The following PNPLA1 variants were observed in gnomAD, a reference collection of about 807,000 sequenced individuals.
The protein encoded by PNPLA1 is omega-hydroxyceramide transacylase.
PNPLA1 carries 36 observed loss-of-function variants against 51.7 expected under a neutral mutation model. The ratio of observed to expected loss-of-function variants is 0.70; its 90% CI spans 0.53 to 0.92. PNPLA1 has a LOEUF of 0.92. Ranked by LOEUF, PNPLA1 falls within the 40% of genes least tolerant of loss-of-function variation. PNPLA1 has a pLI of 0.00. For synonymous variants in PNPLA1, 293 were observed against 280.1 expected (o/e 1.05, Z -0.46); for missense variants, 658 against 682.5 (o/e 0.96, Z 0.40).
chr6:36,306,112 G>A (rs549190138), intron 6 of PNPLA1, among the ~76,000 whole-genome samples, 180 bp from the exon 7 acceptor site: 2 of 152,268 alleles, frequency 1.3e-5, no homozygotes, highest in South Asian at 4.1e-4. Context: ...CACAGATGCC[G>A]CGGGCCTGCG....
Position 36,312,942 on chromosome 6 carries a change from C to T in PNPLA1, c.*1056C>T, listed in dbSNP as rs1005315831. Among the ~76,000 whole-genome samples the T allele has an allele frequency of 1.3e-5, 2 of 152,156 alleles. No individual in the cohort carries two copies. The highest frequency in any genetic ancestry group is 1.5e-5 in the Non-Finnish European group (1 of 68,014). ...TCTTGGGGGCCCAGCAGGACTGAGC[C>T]AACGACACGCTTCCTCTTTCTTGTG... On this transcript the variant is annotated 3_prime_UTR_variant, in exon 9 of 9. Transcript: ENST00000636260.
chr6:36,264,294 G>A (rs1484112639), intron 1 of PNPLA1, among the ~76,000 whole-genome samples: 1 of 152,160 alleles, frequency 6.6e-6, no homozygotes, highest in Non-Finnish European at 1.5e-5. Flanking sequence ...CAACCCAAAT[G>A]TCCATCAGGA....
chr6:36,251,337 T>TCTG (rs1409195262), intron 1 of PNPLA1, among the ~76,000 whole-genome samples: 1 of 152,214 alleles, frequency 6.6e-6, no homozygotes, highest in African/African-American at 2.4e-5. Context: ...GTTTGGTTTC[T>TCTG]CTGCTTAGCA....
chr6:36,252,885 G>A (rs542493849), intron 1 of PNPLA1, among the ~76,000 whole-genome samples: 5 of 152,282 alleles, frequency 3.3e-5, no homozygotes, highest in South Asian at 4.1e-4. Flanking sequence ...TCTGTTGGAC[G>A]AAAGGCAATA....
Position 36,302,452 on chromosome 6 carries a change from G to T in PNPLA1, c.1367G>T (p.Gly456Val). Reference sequence around the variant, plus strand: ...GCTCAGCCACCTGTGGAGGAACTAGGCCAAGAACAGCCCCAAGGTATGGAC... The same window carrying T: ...GCTCAGCCACCTGTGGAGGAACTAGTCCAAGAACAGCCCCAAGGTATGGAC... Reference protein sequence around the residue: ...FPAQPPVEELGQEQPQAVALL... With the variant: ...FPAQPPVEELVQEQPQAVALL... The change falls in exon 6 of 9, where the codon GGC becomes GTC. Residue 456 changes from glycine to valine, a missense_variant. Coordinates refer to ENST00000636260, the MANE Select transcript of PNPLA1 (RefSeq NM_001374623.1). 6.5e-7 allele frequency: 1 copy of T among 1,546,740 alleles called. No individual in the cohort carries two copies. The highest frequency in any genetic ancestry group is 1.3e-5 in the South Asian group (1 of 79,474).
chr6:36,289,686 C>T (rs2127343138), intron 1 of PNPLA1, among the ~76,000 whole-genome samples: 1 of 152,220 alleles, frequency 6.6e-6, no homozygotes, highest in East Asian at 1.9e-4. Context: ...GTCCAAGCCC[C>T]AGGGAAAGAA....
upstream of PNPLA1, among the ~76,000 whole-genome samples, chr6:36,268,128 A>G (rs375750661): frequency 1.4e-4 from 22 of 152,176 alleles, no homozygotes; most frequent in South Asian, 4.6e-3. Context: ...AAGGCTCTGC[A>G]TCTTGAGACC....
In PNPLA1 at chr6:36,270,328, C is replaced by T; in HGVS notation, c.-132C>T. The T allele has an allele frequency of 4.3e-6, 4 of 920,418 alleles. No individual in the cohort carries two copies. Among genetic ancestry groups the T allele is most frequent in the African/African-American group, 1.6e-5 (1 of 60,858 alleles). The allele number at this position is 920,418 out of a possible 1,614,324, so 57.0% of individuals were successfully genotyped here. On this transcript the variant is annotated 5_prime_UTR_variant, in exon 1 of 9. Coordinates refer to ENST00000636260, the MANE Select transcript of PNPLA1 (RefSeq NM_001374623.1). ...TGTGGTTGCTCCAGCCGGGTAGAGA[C>T]AGCCACATTCCAAGCTCCGGGGTGG...
upstream of PNPLA1, among the ~76,000 whole-genome samples, chr6:36,265,387 G>T (rs922481432): frequency 3.9e-5 from 6 of 152,090 alleles, no homozygotes; most frequent in African/African-American, 1.4e-4. Flanking sequence ...TTCAGGAGGG[G>T]TAGGGAAGAG....
Position 36,291,417 on chromosome 6 carries a change from G to A in PNPLA1, c.303G>A (p.Arg101=), listed in dbSNP as rs1219404887. Residue 101 remains arginine, a synonymous_variant, in exon 2 of 9, where the codon AGG becomes AGA. Transcript: ENST00000636260. ...CCTGTAAGATGGTGCAGATGATGAG[G>A]CAGTTTCTGTACCGGGTCCTGCCCG... is the stretch of plus-strand genomic sequence containing the variant. ...SPSCKMVQMM[R]QFLYRVLPED... 1 of 1,614,134 alleles carries A rather than the reference G, an allele frequency of 6.2e-7. No homozygotes were observed. Among genetic ancestry groups the A allele is most frequent in the East Asian group, 2.2e-5 (1 of 44,862 alleles).
upstream of PNPLA1, among the ~76,000 whole-genome samples, chr6:36,266,140 A>G (rs755176697): frequency 1.3e-5 from 2 of 152,196 alleles, no homozygotes; most frequent in African/African-American, 2.4e-5. Flanking sequence ...CAGAAGGGTG[A>G]GTTTGGAAGT....
chr6:36,252,123 C>T (rs1339897278), intron 1 of PNPLA1, among the ~76,000 whole-genome samples: 3 of 152,174 alleles, frequency 2.0e-5, no homozygotes, highest in Non-Finnish European at 4.4e-5. Context: ...CCCTTGCCTT[C>T]TCTCCTTCCT....
chr6:36,282,900 G>A (rs781495208), intron 1 of PNPLA1, among the ~76,000 whole-genome samples: 25 of 152,164 alleles, frequency 1.6e-4, no homozygotes, highest in Non-Finnish European at 3.1e-4. Flanking sequence ...GGCCAGGCTG[G>A]TCTTGAACCC....
At chr6:36,253,839 T>G (rs1340365244) in intron 1 of PNPLA1, among the ~76,000 whole-genome samples, 1 of 152,166 alleles carries the variant, frequency 6.6e-6, no homozygotes, top group Non-Finnish European at 1.5e-5. Flanking sequence ...ACATGAGAAT[T>G]TTGTTCAACA....
At chr6:36,288,598 G>T (rs62403698) in intron 1 of PNPLA1, among the ~76,000 whole-genome samples, 2 of 151,480 alleles carry the variant, frequency 1.3e-5, no homozygotes, top group African/African-American at 4.8e-5. Context: ...GACTACAGGC[G>T]CCCGCCACCG....
At chr6:36,275,216 C>A (rs1309140450) in intron 1 of PNPLA1, among the ~76,000 whole-genome samples, 1 of 151,954 alleles carries the variant, frequency 6.6e-6, no homozygotes, top group Non-Finnish European at 1.5e-5. Context: ...GTAGCTGGGA[C>A]CACAGGTGCA....
chr6:36,302,570 G>C, intron 6 of PNPLA1, 101 bp downstream of exon 6: 1 of 1,449,710 alleles, frequency 6.9e-7, no homozygotes, highest in Non-Finnish European at 9.2e-7. Context: ...AGGGGTGCGT[G>C]GCTGAAGTTA....
At chr6:36,287,755 A>AAC (rs57750301) in intron 1 of PNPLA1, among the ~76,000 whole-genome samples, 8,379 of 148,298 alleles carry the variant, frequency 0.057, 221 homozygotes, top group Middle Eastern at 0.072. Context: ...GACAGACAGA[A>AAC]ACACACACAC....
At chr6:36,271,181 C>T (rs909200281) in intron 1 of PNPLA1, among the ~76,000 whole-genome samples, 2 of 152,098 alleles carry the variant, frequency 1.3e-5, no homozygotes, top group African/African-American at 4.8e-5. Context: ...CAGGAGGGAG[C>T]CCAGAGTGGG....
Sources: allele counts gnomAD v4.1 joint callset (sites outside exome capture counted in the v4.1 genomes callset), GRCh38; gene constraint gnomAD v4.1.1; transcripts MANE v1.5; gene names NCBI Gene and HGNC (gene_info 2026-07-23, HGNC 2026-07-21).